Variants in ANO10 observed in about 807,000 individuals in gnomAD.
ANO10 encodes the protein anoctamin-10.
A neutral mutation model predicts 74.7 loss-of-function variants in ANO10; 77 were observed. The ratio of observed to expected loss-of-function variants is 1.03; its 90% CI spans 0.86 to 1.25. ANO10 has a LOEUF of 1.25. Ranked by LOEUF, ANO10 falls within the 50% of genes most tolerant of loss-of-function variation. ANO10 has a pLI of 0.00. For missense variants in ANO10, 721 were observed against 778.1 expected (o/e 0.93, Z 0.87); for synonymous variants, 279 against 284.9 (o/e 0.98, Z 0.21).
At chr3:43,398,381 CAA>C (rs1559507903) in intron 12 of ANO10, among the ~76,000 whole-genome samples, 1 of 152,126 alleles carries the variant, frequency 6.6e-6, no homozygotes, top group African/African-American at 2.4e-5. Context: ...TAGTAGGTAA[CAA>C]AAAGTCTGTC....
chr3:43,690,773 G>C lies in ANO10; in HGVS notation c.-12+744C>G, dbSNP rs574842837. On this transcript the variant is annotated intron_variant, in intron 1 of 3. Transcript: ENST00000413397. ...CCCGCGCTTACACCCGGGAGCGTCG[G>C]GCGGGAGAACTAGTGCATGCTGGCT... 343 of 437,498 alleles carry C rather than the reference G, an allele frequency of 7.8e-4. 4 individuals carry two copies. In the East Asian group the frequency reaches 0.012, roughly 15 times the overall value. 27.1% of individuals were successfully genotyped at this position (437,498 alleles called of 1,614,324 possible).
intron 12 of ANO10, among the ~76,000 whole-genome samples, chr3:43,390,953 T>A (rs1365640063): frequency 6.6e-6 from 1 of 152,206 alleles, no homozygotes; most frequent in Non-Finnish European, 1.5e-5. Flanking sequence ...AATTTCTTTT[T>A]CAAAATTTTA....
At chr3:43,571,706 G>A (rs2080730949) in intron 7 of ANO10, among the ~76,000 whole-genome samples, 1 of 151,182 alleles carries the variant, frequency 6.6e-6, no homozygotes, top group South Asian at 2.1e-4. Flanking sequence ...CAGGGGGGAG[G>A]GATAGCATTG....
chr3:43,663,085 A>G (rs1187277750), intron 1 of ANO10, among the ~76,000 whole-genome samples: 6 of 151,794 alleles, frequency 4.0e-5, no homozygotes, highest in Non-Finnish European at 8.8e-5. Flanking sequence ...CAGAGACACA[A>G]CAAAAAAAGA....
At chr3:43,549,923 T>A in intron 10 of ANO10, 75 bp from the exon 11 acceptor site, 1 of 1,550,556 alleles carries the variant, frequency 6.4e-7, no homozygotes, top group Non-Finnish European at 8.9e-7. Context: ...TCATGTTATC[T>A]AAAAATCAAG....
intron 8 of ANO10, among the ~76,000 whole-genome samples, chr3:43,563,892 G>A (rs896143934): frequency 3.9e-5 from 6 of 151,970 alleles, no homozygotes; most frequent in Non-Finnish European, 7.4e-5. Context: ...CTGATCGAGA[G>A]GTACAAACAT....
chr3:43,410,220 G>T (rs984220668), intron 12 of ANO10, among the ~76,000 whole-genome samples: 2 of 151,994 alleles, frequency 1.3e-5, no homozygotes, highest in South Asian at 2.1e-4. Flanking sequence ...CTAAGAAGTT[G>T]TTGCAAAGAT....
intron 9 of ANO10, among the ~76,000 whole-genome samples, chr3:43,558,440 C>T (rs932954982): frequency 2.6e-5 from 4 of 151,992 alleles, no homozygotes; most frequent in African/African-American, 9.7e-5. Context: ...CAGCTTAGTC[C>T]TGGGCTGGTG....
intron 11 of ANO10, chr3:43,485,123 A>C: frequency 1.1e-6 from 1 of 906,538 alleles, no homozygotes; most frequent in Admixed American, 1.9e-5. Flanking sequence ...CTCCACCTTC[A>C]TCTGGTGGAG....
chr3:43,503,144 G>T (rs1158797858), intron 11 of ANO10, among the ~76,000 whole-genome samples: 1 of 152,122 alleles, frequency 6.6e-6, no homozygotes, highest in Non-Finnish European at 1.5e-5. Context: ...TGCAAACTAA[G>T]GGAGAACACT....
At chr3:43,480,376 A>C (rs2076222179) in intron 11 of ANO10, among the ~76,000 whole-genome samples, 1 of 152,238 alleles carries the variant, frequency 6.6e-6, no homozygotes, top group South Asian at 2.1e-4. Context: ...CGAGGAGACC[A>C]CAAAGGCATA....
At chr3:43,673,409 G>T (rs1183585631) in intron 1 of ANO10, among the ~76,000 whole-genome samples, 1 of 152,164 alleles carries the variant, frequency 6.6e-6, no homozygotes, top group Non-Finnish European at 1.5e-5. Context: ...AGGAAATTAT[G>T]GGTATGAACT....
chr3:43,557,551 T>C (rs752832944), intron 9 of ANO10, among the ~76,000 whole-genome samples: 1 of 151,342 alleles, frequency 6.6e-6, no homozygotes, highest in Non-Finnish European at 1.5e-5. Flanking sequence ...CTGGCTAACA[T>C]GGTGAAAACC....
At chr3:43,495,955 C>T (rs1391012656) in intron 11 of ANO10, among the ~76,000 whole-genome samples, 1 of 152,064 alleles carries the variant, frequency 6.6e-6, no homozygotes, top group Non-Finnish European at 1.5e-5. Context: ...ACCACCTTGG[C>T]CTCCCAAAGT....
chr3:43,568,008 A>G (rs2080467802), intron 7 of ANO10, among the ~76,000 whole-genome samples: 1 of 151,860 alleles, frequency 6.6e-6, no homozygotes, highest in Admixed American at 6.6e-5. Context: ...GCCAATGGAA[A>G]ACAAAAAAAG....
chr3:43,627,305 G>A (rs1170969942), intron 1 of ANO10, among the ~76,000 whole-genome samples: 1 of 152,258 alleles, frequency 6.6e-6, no homozygotes, highest in Non-Finnish European at 1.5e-5. Flanking sequence ...ATCGGTGGAA[G>A]GCCTGGAGAA....
chr3:43,689,749 C>T (rs1046737212), intron 1 of ANO10, among the ~76,000 whole-genome samples: 1 of 152,122 alleles, frequency 6.6e-6, no homozygotes, highest in Non-Finnish European at 1.5e-5. Context: ...TACAGTGGGG[C>T]TCAGAGGAGA....
At chr3:43,483,566 A>G (rs188124677) in intron 11 of ANO10, among the ~76,000 whole-genome samples, 1 of 152,192 alleles carries the variant, frequency 6.6e-6, no homozygotes, top group Non-Finnish European at 1.5e-5. Context: ...CACTACCCAC[A>G]TGATTGATAA....
intron 1 of ANO10, among the ~76,000 whole-genome samples, chr3:43,670,677 T>C (rs987758675): frequency 1.3e-5 from 2 of 152,200 alleles, no homozygotes; most frequent in Admixed American, 6.5e-5. Flanking sequence ...TTAGATGGGC[T>C]GGTTGACAAT....
Sources: allele counts gnomAD v4.1 joint callset (sites outside exome capture counted in the v4.1 genomes callset), GRCh38; gene constraint gnomAD v4.1.1; transcripts MANE v1.5; gene names NCBI Gene and HGNC (gene_info 2026-07-23, HGNC 2026-07-21).